DMXL1: variants seen among roughly 807,000 people sequenced by gnomAD.
DMXL1 encodes the protein dmX-like protein 1.
A neutral mutation model predicts 319.2 loss-of-function variants in DMXL1; 99 were observed. The observed-to-expected ratio is 0.31, with a 90% confidence interval of 0.26 to 0.37. DMXL1 has a LOEUF of 0.37. Ranked by LOEUF, DMXL1 falls within the 10% of genes least tolerant of loss-of-function variation. DMXL1 has a pLI of 1.00. For missense variants in DMXL1, 3,745 were observed against 3,595.6 expected, an observed-to-expected ratio of 1.04 and a Z score of -1.06; for synonymous variants, 1,385 against 1,235.2, an observed-to-expected ratio of 1.12 and a Z score of -2.54.
chr5:119,143,448 G>A (rs1767856774), intron 13 of DMXL1, among the ~76,000 whole-genome samples: 3 of 152,072 alleles, frequency 2.0e-5, no homozygotes, highest in South Asian at 4.1e-4. Context: ...GACATGAATG[G>A]CTCAAGAGAT....
rs1353568388 is a variant in DMXL1 at position 119,220,931 on chromosome 5, C to A, written c.8136-9C>A. The A allele has an allele frequency of 6.2e-7, 1 of 1,611,294 alleles. No individual in the cohort carries two copies. Among genetic ancestry groups the A allele is most frequent in the Non-Finnish European group, 8.5e-7 (1 of 1,178,954 alleles). On this transcript the variant is annotated splice_polypyrimidine_tract_variant and intron_variant, in intron 36 of 43. Transcript: ENST00000539542. ...AGTTGTTTTTATTCTGGTTGACATT[C>A]CTTTATAGATCAGAAGATTTCTTGG...
chr5:119,240,716 T>C (rs554116494), intron 42 of DMXL1, among the ~76,000 whole-genome samples: 14 of 152,192 alleles, frequency 9.2e-5, no homozygotes, highest in Non-Finnish European at 2.1e-4. Flanking sequence ...TTGAATCTGA[T>C]AGCCACAGGT....
chr5:119,164,922 A>G (rs1042202643), intron 20 of DMXL1, among the ~76,000 whole-genome samples: 5 of 152,156 alleles, frequency 3.3e-5, no homozygotes, highest in African/African-American at 1.2e-4. Context: ...ACAAAATAAT[A>G]TATATGTTTA....
chr5:119,125,553 T>C (rs1054486315), intron 9 of DMXL1, among the ~76,000 whole-genome samples: 3 of 151,172 alleles, frequency 2.0e-5, no homozygotes, highest in Non-Finnish European at 4.4e-5. Flanking sequence ...TGTATATATA[T>C]ATGTAATTAT....
At chr5:119,172,093 C>A in intron 25 of DMXL1, 124 bp downstream of exon 25, 1 of 850,892 alleles carries the variant, frequency 1.2e-6, no homozygotes, top group Non-Finnish European at 1.7e-6. Flanking sequence ...GTTACATTGC[C>A]AAGTTTATGT....
chr5:119,139,390 G>A (rs2150083412), intron 13 of DMXL1, among the ~76,000 whole-genome samples: 2 of 152,276 alleles, frequency 1.3e-5, no homozygotes, highest in South Asian at 4.1e-4. Context: ...CCTCTCACAT[G>A]TAATGACACC....
intron 3 of DMXL1, among the ~76,000 whole-genome samples, chr5:119,103,082 A>ATT (rs879844823): frequency 1.2e-4 from 17 of 145,774 alleles, no homozygotes; most frequent in African/African-American, 3.8e-4. Flanking sequence ...AAATTAAAAG[A>ATT]TTTTTTTTTT....
chr5:119,227,765 C>T (rs1011052610), intron 38 of DMXL1, among the ~76,000 whole-genome samples: 26 of 152,190 alleles, frequency 1.7e-4, no homozygotes, highest in African/African-American at 5.8e-4. Flanking sequence ...TTATGTCCTG[C>T]TATAAGAAGG....
In DMXL1 at chr5:119,197,561, C is replaced by G. The variant is rs565241650; in HGVS notation, c.7544-194C>G. ...AATACTTACACAGATTTATGGCATA[C>G]CTTTTGTAATCCACTGGGTTTCTTT... On this transcript the variant is annotated intron_variant, in intron 31 of 43. Transcript: ENST00000539542. Among the ~76,000 whole-genome samples, 35 of 152,222 alleles carry G rather than the reference C, an allele frequency of 2.3e-4. No homozygotes were observed. In the South Asian group the frequency reaches 5.8e-3, roughly 25 times the overall value.
At chr5:119,240,352 A>G in intron 41 of DMXL1, 67 bp from the exon 42 acceptor site, 1 of 1,137,784 alleles carries the variant, frequency 8.8e-7, no homozygotes, top group Middle Eastern at 2.0e-4. Flanking sequence ...TCACACAGTT[A>G]TATATGACAT....
rs1388623112 is a variant in DMXL1, at chr5:119,149,427, A to G, written c.3600A>G (p.Leu1200=). ...KVVPLSKFVL[L]RSVDLVSSVD... is the part of the protein sequence containing the mutation. ...TGCCCCTTTCTAAATTTGTACTATT[A>G]CGAAGTGTGGACCTAGTTTCTTCTG... is the stretch of plus-strand genomic sequence containing the variant. The change falls in exon 18 of 44, where the codon TTA becomes TTG. Residue 1200 remains leucine, a synonymous_variant. Coordinates refer to ENST00000539542, the MANE Select transcript of DMXL1 (RefSeq NM_001290321.3). The G allele has an allele frequency of 6.2e-7, 1 of 1,613,948 alleles. No individual in the cohort carries two copies.
intron 43 of DMXL1, among the ~76,000 whole-genome samples, chr5:119,244,790 C>A (rs1276483302): frequency 6.6e-6 from 1 of 152,120 alleles, no homozygotes; most frequent in Non-Finnish European, 1.5e-5. Flanking sequence ...TTAATTCATA[C>A]TAAAACACCA....
At chr5:119,146,988 T>C (rs1287593977) in intron 16 of DMXL1, 32 bp downstream of exon 16, 1 of 1,606,566 alleles carries the variant, frequency 6.2e-7, no homozygotes, top group Non-Finnish European at 8.5e-7. Context: ...TTGTGCAACT[T>C]TAATAGGTGT....
At chr5:119,147,086 A>G (rs113420856) in intron 16 of DMXL1, 130 bp downstream of exon 16, 34 of 1,178,272 alleles carry the variant, frequency 2.9e-5, no homozygotes, top group Middle Eastern at 2.3e-4. Context: ...AGATTATTCA[A>G]TTAATTCAAA....
At chr5:119,200,258 C>G (rs982058834) in intron 32 of DMXL1, among the ~76,000 whole-genome samples, 1 of 151,996 alleles carries the variant, frequency 6.6e-6, no homozygotes, top group African/African-American at 2.4e-5. Context: ...GTGTATGTTG[C>G]AAGGAAGGCA....
intron 16 of DMXL1, 52 bp downstream of exon 16, chr5:119,147,008 A>T: frequency 1.3e-6 from 2 of 1,577,708 alleles, no homozygotes; most frequent in Non-Finnish European, 1.7e-6. Flanking sequence ...TAAGTTAACA[A>T]ATTACACAAA....
rs1313805371 is a variant in DMXL1 at position 119,071,671 on chromosome 5, C to A, written c.87+15C>A. 2 of 1,572,504 alleles carry A rather than the reference C, an allele frequency of 1.3e-6. No homozygotes were observed. The highest frequency in any genetic ancestry group is 1.8e-5 in the Admixed American group (1 of 54,486). ...AGCGCTTCACGGTGAGTGAGGGAGG[C>A]CCTCGCGTCGCCCGTGGCCCGGCCT... On this transcript the variant is annotated intron_variant, in intron 1 of 43. Transcript: ENST00000539542.
intron 37 of DMXL1, among the ~76,000 whole-genome samples, chr5:119,222,206 A>G (rs1035562405): frequency 1.3e-4 from 20 of 152,168 alleles, no homozygotes; most frequent in Non-Finnish European, 2.5e-4. Context: ...ATTTACTCGT[A>G]TTTAAACATT....
In DMXL1 at chr5:119,110,318, CTGT is replaced by C. The variant is rs561110440; in HGVS notation, c.497+40_497+42del. On this transcript the variant is annotated intron_variant, in intron 5 of 43. Coordinates refer to ENST00000539542, the MANE Select transcript of DMXL1 (RefSeq NM_001290321.3). The stretch of plus-strand genomic sequence containing the variant: ...TAATCAGGGGAGTAAACTGATAAAC[CTGT>C]TGTTCTATGTGGTTTTATTATAAAT... 8.6e-5 allele frequency: 128 copies of C among 1,491,920 alleles called. 1 individual carries two copies. Among genetic ancestry groups the C allele is most frequent in the African/African-American group, 8.0e-4 (55 of 68,954 alleles). The allele number at this position is 1,491,920 out of a possible 1,614,324, so 92.4% of individuals were successfully genotyped here.
Sources: gnomAD v4.1 joint callset for allele counts (sites outside exome capture counted in the v4.1 genomes callset) on GRCh38, gnomAD v4.1.1 for gene constraint, MANE v1.5 for transcripts, NCBI Gene and HGNC (gene_info 2026-07-23, HGNC 2026-07-21) for gene names.